Variants in TNRC6C observed in about 807,000 individuals in gnomAD.
TNRC6C encodes trinucleotide repeat-containing gene 6C protein.
Under a neutral mutation model 153.7 loss-of-function variants are expected in TNRC6C, and 20 were observed. The observed-to-expected ratio is 0.13, with a 90% CI of 0.09 to 0.19. TNRC6C has a LOEUF of 0.19. Ranked by LOEUF, TNRC6C falls within the 10% of genes least tolerant of loss-of-function variation. The probability of loss-of-function intolerance (pLI) is 1.00; values close to 1 mark genes in which losing one functional copy is unlikely to be tolerated. For synonymous variants in TNRC6C, 811 were observed against 841.4 expected, an observed-to-expected ratio of 0.96 and a Z score of 0.63; for missense variants, 1,987 against 2,172.0, an observed-to-expected ratio of 0.91 and a Z score of 1.69.
chr17:78,098,079 A>G (rs1435379538), intron 16 of TNRC6C, among the ~76,000 whole-genome samples: 3 of 152,206 alleles, frequency 2.0e-5, no homozygotes, highest in Non-Finnish European at 4.4e-5. Context: ...TCTTCTCCAT[A>G]CAAGTGTGTG....
At chr17:78,011,860 G>A (rs1567914021) in intron 1 of TNRC6C, 1 of 152,192 alleles carries the variant, frequency 6.6e-6, no homozygotes, top group Admixed American at 6.5e-5. Context: ...TAGGTATGTA[G>A]TGGTATCTCA....
chr17:78,042,665 G>A (rs975304796), intron 2 of TNRC6C, among the ~76,000 whole-genome samples: 14 of 151,778 alleles, frequency 9.2e-5, no homozygotes, highest in African/African-American at 3.1e-4. Context: ...GGTGATGGTG[G>A]TGATGATGAT....
chr17:78,034,288 C>A (rs991479965), intron 2 of TNRC6C, among the ~76,000 whole-genome samples: 1 of 151,882 alleles, frequency 6.6e-6, no homozygotes, highest in African/African-American at 2.4e-5. Flanking sequence ...AACTCCTGAC[C>A]TCAGGTGATC....
In TNRC6C at chr17:78,075,282, T is replaced by C. The variant is rs1466581333; in HGVS notation, c.3060+4T>C. 2 of 1,577,440 alleles carry C rather than the reference T, an allele frequency of 1.3e-6. No individual in the cohort carries two copies. Among genetic ancestry groups the C allele is most frequent in the African/African-American group, 2.7e-5 (2 of 74,020 alleles). On this transcript the variant is annotated splice_donor_region_variant and intron_variant, in intron 8 of 19. Coordinates refer to ENST00000301624, the Ensembl canonical transcript of TNRC6C. The surrounding 1 kb of genome is among the most constrained non-coding windows in gnomAD (Gnocchi z 4.2). ...CCGCCCCACCTTTCTTGACAAGGTA[T>C]GAATATAGGTGGTTTGTTGTTTTTG...
chr17:77,963,586 C>G (rs752713755), intron 1 of TNRC6C, among the ~76,000 whole-genome samples: 26 of 152,186 alleles, frequency 1.7e-4, no homozygotes, highest in Non-Finnish European at 1.2e-4. Context: ...TCCTCTGTAG[C>G]CTTCAAAAGA....
intron 13 of TNRC6C, among the ~76,000 whole-genome samples, chr17:78,090,073 A>G (rs1033896574): frequency 7.2e-5 from 11 of 152,346 alleles, no homozygotes; most frequent in African/African-American, 2.4e-4. Flanking sequence ...AGAGATTGCA[A>G]GTAGGCAGCC....
intron 1 of TNRC6C, among the ~76,000 whole-genome samples, chr17:77,968,574 C>T (rs1251030870): frequency 6.6e-6 from 1 of 151,596 alleles, no homozygotes; most frequent in Middle Eastern, 3.2e-3. Flanking sequence ...ATCTCCTGAC[C>T]TCAGGTGATC....
At chr17:78,057,343 C>T (rs2072678965) in intron 3 of TNRC6C, among the ~76,000 whole-genome samples, 1 of 152,218 alleles carries the variant, frequency 6.6e-6, no homozygotes, top group African/African-American at 2.4e-5. Context: ...TTAAGAATTA[C>T]AAGTAATCAT....
intron 1 of TNRC6C, among the ~76,000 whole-genome samples, chr17:78,010,387 A>G (rs533898827): frequency 2.6e-5 from 4 of 152,230 alleles, no homozygotes; most frequent in Non-Finnish European, 4.4e-5. Context: ...AAGTATTGGC[A>G]GTGTGCTTAG....
chr17:78,104,927 C>A lies in TNRC6C; in HGVS notation c.*82C>A. On this transcript the variant is annotated 3_prime_UTR_variant, in exon 20 of 20. Coordinates refer to ENST00000301624, the Ensembl canonical transcript of TNRC6C. This position sits in a 1 kb window ranked among gnomAD's most constrained non-coding sequence, Gnocchi z 6.2. ...GGCGGCCCCACAGACCCGCTGGAAC[C>A]CAGCAGCGGCCGCCCTTTTGAGTAC... 7.3e-7 allele frequency: 1 copy of A among 1,369,472 alleles called. No homozygotes were observed. The highest frequency in any genetic ancestry group is 9.4e-7 in the Non-Finnish European group (1 of 1,066,192). 84.8% of individuals were successfully genotyped at this position (1,369,472 alleles called of 1,614,324 possible). A position where few individuals can be genotyped will look rare whatever the true frequency, so the allele number is the denominator to read the frequency against.
intron 1 of TNRC6C, among the ~76,000 whole-genome samples, chr17:78,014,169 A>G (rs934997553): frequency 6.6e-6 from 1 of 152,178 alleles, no homozygotes; most frequent in African/African-American, 2.4e-5. Context: ...TCTGTGTTTC[A>G]TGAGATTTAG....
chr17:78,062,510 A>G (rs1372143728), intron 3 of TNRC6C, among the ~76,000 whole-genome samples: 2 of 152,226 alleles, frequency 1.3e-5, no homozygotes, highest in Non-Finnish European at 1.5e-5. Context: ...ACACAGTCAC[A>G]TGCTTGCTAC....
intron 1 of TNRC6C, among the ~76,000 whole-genome samples, chr17:78,005,511 C>G (rs142302969): frequency 2.8e-4 from 43 of 152,204 alleles, no homozygotes; most frequent in African/African-American, 8.9e-4. Context: ...AAAGATTTCT[C>G]TTTTTATCCT....
At chr17:77,985,883 A>G (rs1567901688) in intron 1 of TNRC6C, among the ~76,000 whole-genome samples, 1 of 152,204 alleles carries the variant, frequency 6.6e-6, no homozygotes. Context: ...CTACCAAAAC[A>G]GGAAATAGAA....
At chr17:77,975,235 T>G (rs923467019) in intron 1 of TNRC6C, among the ~76,000 whole-genome samples, 1 of 144,172 alleles carries the variant, frequency 6.9e-6, no homozygotes, top group East Asian at 1.9e-4. Context: ...CCTTAGGAGG[T>G]TTTTTTTTAG....
intron 1 of TNRC6C, among the ~76,000 whole-genome samples, chr17:77,977,375 A>G (rs1369936438): frequency 6.6e-6 from 1 of 152,180 alleles, no homozygotes; most frequent in East Asian, 1.9e-4. Flanking sequence ...TTAATGTATC[A>G]TTTTCATTTC....
chr17:78,043,026 C>T (rs558173756), intron 2 of TNRC6C, among the ~76,000 whole-genome samples: 14 of 152,170 alleles, frequency 9.2e-5, no homozygotes, highest in African/African-American at 2.4e-4. Context: ...TCTCTTTCTC[C>T]GTGAACCTGC....
upstream of TNRC6C, among the ~76,000 whole-genome samples, chr17:77,958,948 A>ACCG (rs1243135036): frequency 4.5e-4 from 63 of 141,038 alleles, no homozygotes; most frequent in Admixed American, 1.1e-3. Flanking sequence ...CGCAGCTGCC[A>ACCG]CCGCCGCCGC....
In TNRC6C at chr17:77,985,236, C is replaced by T. The variant is rs2071145728; in HGVS notation, c.-37-18934C>T. ...AGGTCCTTGTTTCCTTGCTAGCTGT[C>T]AGAGGAGGAGTTCTCAATTCCTAGG... On this transcript the variant is annotated intron_variant, in intron 1 of 22. Transcript: ENST00000636222. Among the ~76,000 whole-genome samples, 3 of 152,208 alleles carry T rather than the reference C, an allele frequency of 2.0e-5. No individual in the cohort carries two copies. The South Asian group carries it at 6.2e-4, about 32-fold the overall frequency.
Sources: gnomAD v4.1 joint callset for allele counts (sites outside exome capture counted in the v4.1 genomes callset) on GRCh38, gnomAD v4.1.1 for gene constraint, Gnocchi (gnomAD v3.1) non-coding constraint, MANE v1.5 for transcripts, NCBI Gene and HGNC (gene_info 2026-07-23, HGNC 2026-07-21) for gene names.